USP45: variants seen among roughly 807,000 people sequenced by gnomAD.
USP45 encodes ubiquitin specific peptidase 45, also known as ubiquitin carboxyl-terminal hydrolase 45.
A neutral mutation model predicts 95.8 loss-of-function variants in USP45; 89 were observed. That is an observed-to-expected ratio of 0.93 (90% confidence interval 0.78 to 1.11). The LOEUF (loss-of-function observed/expected upper bound fraction) is 1.11. Ranked by LOEUF, USP45 falls within the 50% of genes least tolerant of loss-of-function variation. The pLI, the probability that USP45 is intolerant of heterozygous loss-of-function variation, is 0.00. For missense variants in USP45, 898 were observed against 942.5 expected (o/e 0.95, Z 0.62); for synonymous variants, 281 against 316.2 (o/e 0.89, Z 1.18).
chr6:99,445,026 C>T (rs1238348365), intron 14 of USP45, among the ~76,000 whole-genome samples: 1 of 152,200 alleles, frequency 6.6e-6, no homozygotes, highest in African/African-American at 2.4e-5. Context: ...TTCCCCCTTT[C>T]TCCACTTCTC....
rs765488049 is a variant in USP45 at position 99,464,598 on chromosome 6, TCTTAC to T, written c.1308+1_1308+5del. On this transcript the variant is annotated splice_donor_variant and splice_donor_5th_base_variant and intron_variant, in intron 13 of 17. Transcript: ENST00000500704. LOFTEE classifies it high-confidence loss of function. ...ACAGACGTCTAACAGATGCTTATGG[TCTTAC>T]CTTATCTTTAGATGAAGAATGCTTC... is the stretch of plus-strand genomic sequence containing the variant. The T allele has an allele frequency of 2.5e-6, 4 of 1,607,690 alleles. No homozygotes were observed. Among genetic ancestry groups the T allele is most frequent in the East Asian group, 4.5e-5 (2 of 44,714 alleles).
intron 13 of USP45, among the ~76,000 whole-genome samples, chr6:99,452,830 T>C (rs1583044968): frequency 1.3e-5 from 2 of 152,160 alleles, no homozygotes; most frequent in African/African-American, 2.4e-5. Context: ...ATATACACCA[T>C]GGAATACTAT....
At chr6:99,482,704 T>G (rs751432177) in intron 8 of USP45, 49 bp downstream of exon 8, 9 of 1,517,510 alleles carry the variant, frequency 5.9e-6, no homozygotes, top group Non-Finnish European at 7.1e-6. Flanking sequence ...ATGAATACAT[T>G]AGTATTTTGT....
rs1301938750 is a variant in USP45 at position 99,434,336 on chromosome 6, T to G, written c.*1380A>C. On this transcript the variant is annotated 3_prime_UTR_variant, in exon 18 of 18. Coordinates refer to ENST00000500704, the MANE Select transcript of USP45 (RefSeq NM_001346022.3). ...ACCTTATCTGCAGCCACTATTCTTA[T>G]CCTTTCTTCCCAGGAGGAGAATGAA... 4 of 152,210 alleles carry G rather than the reference T, an allele frequency of 2.6e-5. No homozygotes were observed. Among genetic ancestry groups the G allele is most frequent in the Non-Finnish European group, 5.9e-5 (4 of 68,028 alleles). The allele number at this position is 152,210 out of a possible 1,614,324, so 9.4% of individuals were successfully genotyped here. A position where few individuals can be genotyped will look rare whatever the true frequency, so the allele number is the denominator to read the frequency against.
intron 11 of USP45, 52 bp from the exon 12 acceptor site, chr6:99,465,188 A>T: frequency 6.8e-7 from 1 of 1,466,276 alleles, no homozygotes; most frequent in Non-Finnish European, 9.3e-7. Context: ...ATATAAACAT[A>T]CAGTTTTGTA....
chr6:99,467,987 T>C (rs1017495409), intron 10 of USP45: 11 of 361,518 alleles, frequency 3.0e-5, no homozygotes, highest in African/African-American at 8.5e-5. Flanking sequence ...CTATATAGTA[T>C]TGATAATGAT....
Position 99,482,796 on chromosome 6 carries a change from C to CT in USP45, c.801dup (p.Gly268ArgfsTer6). Reference sequence around the variant, plus strand: ...AAAAGAACTTTAGGAGAAAGTGGTCCTTTTTCAGTCTCCTTCATGCTGTGA... The same window carrying CT: ...AAAAGAACTTTAGGAGAAAGTGGTCCTTTTTTCAGTCTCCTTCATGCTGTGA... On this transcript the variant is annotated frameshift_variant, in exon 8 of 18. Coordinates refer to ENST00000500704, the MANE Select transcript of USP45 (RefSeq NM_001346022.3). LOFTEE classifies it high-confidence loss of function. 6.2e-7 allele frequency: 1 copy of CT among 1,605,370 alleles called. No individual in the cohort carries two copies. Among genetic ancestry groups the CT allele is most frequent in the Middle Eastern group, 1.7e-4 (1 of 6,034 alleles).
chr6:99,516,089 C>CG (rs1376586104), upstream of USP45, among the ~76,000 whole-genome samples: 1 of 151,952 alleles, frequency 6.6e-6, no homozygotes, highest in Non-Finnish European at 1.5e-5. Flanking sequence ...GCCCCCACAC[C>CG]CCCGCCGCCC....
Position 99,446,325 on chromosome 6 carries a change from T to C in USP45, c.1447A>G (p.Asn483Asp), listed in dbSNP as rs140558746. 116 of 1,614,218 alleles carry C rather than the reference T, an allele frequency of 7.2e-5. No homozygotes were observed. In the African/African-American group the frequency reaches 1.4e-3, roughly 20 times the overall value. Residue 483 changes from asparagine to aspartate, a missense_variant, in exon 14 of 18, where the codon AAT (asparagine) becomes GAT (aspartate). Physicochemically the swap from Asn to Asp is conservative, Grantham distance 23. Transcript: ENST00000500704. The stretch of plus-strand genomic sequence containing the variant: ...TCACTGTCATCAGTAGGGCTTTCAT[T>C]CAGACGTGACTCAGAATTCATGAGG... ...ASLMNSESRL[N>D]ESPTDDSEKE...
chr6:99,482,861 GA>G lies in USP45; in HGVS notation c.736del (p.Ser246GlnfsTer6), dbSNP rs759375226. On this transcript the variant is annotated frameshift_variant, in exon 8 of 18. Transcript: ENST00000500704. LOFTEE classifies it high-confidence loss of function. ...GGCTGAGGTCAGTGGTCCAGGCCTT[GA>G]AAGTTCCACCACCAATGGGTCCTTT... ...SQLDPLVVELSRPGPLTSALF... is the reference protein window; with the variant it reads ...SQLDPLVVELXRPGPLTSALF... 2 of 1,562,294 alleles carry G rather than the reference GA, an allele frequency of 1.3e-6. No individual in the cohort carries two copies. Among genetic ancestry groups the G allele is most frequent in the Admixed American group, 1.9e-5 (1 of 53,326 alleles).
At chr6:99,475,456 C>T (rs1003605583) in intron 9 of USP45, among the ~76,000 whole-genome samples, 15 of 151,770 alleles carry the variant, frequency 9.9e-5, no homozygotes, top group Middle Eastern at 3.4e-3. Flanking sequence ...GCTAGGATTA[C>T]AGGCACACGC....
At chr6:99,503,403 T>C (rs1190845920) in intron 5 of USP45, among the ~76,000 whole-genome samples, 3 of 151,988 alleles carry the variant, frequency 2.0e-5, no homozygotes, top group Non-Finnish European at 4.4e-5. Flanking sequence ...CTTGGCTCAC[T>C]GCAACCTCCG....
chr6:99,474,531 C>T (rs1174740684), intron 9 of USP45, among the ~76,000 whole-genome samples: 2 of 152,124 alleles, frequency 1.3e-5, no homozygotes, highest in African/African-American at 4.8e-5. Context: ...TCCATCTTGC[C>T]TAGCACTACT....
intron 2 of USP45, among the ~76,000 whole-genome samples, chr6:99,509,666 A>G (rs1799346637): frequency 1.3e-5 from 2 of 151,998 alleles, no homozygotes; most frequent in African/African-American, 4.8e-5. Context: ...AAAAAAAGCC[A>G]ATCTAAGTTA....
In USP45 at chr6:99,476,132, A is replaced by T. The variant is rs771089889; in HGVS notation, c.933+11T>A. 2.3e-5 allele frequency: 37 copies of T among 1,611,492 alleles called. No individual in the cohort carries two copies. Among genetic ancestry groups the T allele is most frequent in the Admixed American group, 5.0e-5 (3 of 59,744 alleles). On this transcript the variant is annotated intron_variant, in intron 9 of 17. Coordinates refer to ENST00000500704, the MANE Select transcript of USP45 (RefSeq NM_001346022.3). ...TGAAGAGAATACATGATATACATAA[A>T]GAAACCTGACCTTTGTTTCTTCTGT...
chr6:99,507,664 A>G (rs1296921212), intron 3 of USP45, 133 bp from the exon 4 acceptor site: 1 of 603,206 alleles, frequency 1.7e-6, no homozygotes, highest in Non-Finnish European at 2.9e-6. Context: ...AAGTTTCAAA[A>G]AAGTAATATG....
Position 99,511,845 on chromosome 6 carries a change from GTATATAT to G in USP45, c.-10-1622_-10-1616del, listed in dbSNP as rs1353935885. On this transcript the variant is annotated intron_variant, in intron 1 of 17. Coordinates refer to ENST00000500704, the MANE Select transcript of USP45 (RefSeq NM_001346022.3). Reference sequence around the variant, plus strand: ...GACACATATATGTATGTGAGTGTGTGTATATATATATATATATATATATATATATATA... The same window carrying G: ...GACACATATATGTATGTGAGTGTGTGATATATATATATATATATATATATA... 3.9e-4 allele frequency among the ~76,000 whole-genome samples: 9 copies of G among 22,810 alleles called. No homozygotes were observed. The African/African-American group carries it at 4.3e-3, about 11-fold the overall frequency. 15.0% of individuals were successfully genotyped at this position (22,810 alleles called of 152,430 possible). A position where few individuals can be genotyped will look rare whatever the true frequency, so the allele number is the denominator to read the frequency against.
Position 99,465,034 on chromosome 6 carries a change from T to C in USP45, c.1164+46A>G, listed in dbSNP as rs754253710. ...CTCAACAAATGTTTAAATAAATGAT[T>C]AAATGTTCTTCACCAAAGCTTCATC... On this transcript the variant is annotated intron_variant, in intron 12 of 17. Transcript: ENST00000500704. 2.3e-5 allele frequency: 34 copies of C among 1,451,348 alleles called. 1 individual carries two copies. The highest frequency in any genetic ancestry group is 1.8e-4 in the Middle Eastern group (1 of 5,426). The allele number at this position is 1,451,348 out of a possible 1,614,324, so 89.9% of individuals were successfully genotyped here. A position where few individuals can be genotyped will look rare whatever the true frequency, so the allele number is the denominator to read the frequency against.
chr6:99,468,534 T>G lies in USP45; in HGVS notation c.1015+3A>C, dbSNP rs1419779888. Reference sequence around the variant, plus strand: ...AAAAAGTTTTAACAAAGAGTCAACATACCTTTGACTTTTTTTCTAGTTTCA... The same window carrying G: ...AAAAAGTTTTAACAAAGAGTCAACAGACCTTTGACTTTTTTTCTAGTTTCA... On this transcript the variant is annotated splice_donor_region_variant and intron_variant, in intron 10 of 17. Transcript: ENST00000500704. 1 of 1,583,508 alleles carries G rather than the reference T, an allele frequency of 6.3e-7. No individual in the cohort carries two copies. The highest frequency in any genetic ancestry group is 1.3e-5 in the African/African-American group (1 of 74,362).
Sources: allele counts gnomAD v4.1 joint callset (sites outside exome capture counted in the v4.1 genomes callset), GRCh38; gene constraint gnomAD v4.1.1; transcripts MANE v1.5; gene names NCBI Gene and HGNC (gene_info 2026-07-23, HGNC 2026-07-21).